The following ACAP2 variants were observed in gnomAD, a reference collection of about 807,000 sequenced individuals.
ACAP2 encodes arf-GAP with coiled-coil, ANK repeat and PH domain-containing protein 2.
A neutral mutation model predicts 115.8 loss-of-function variants in ACAP2; 39 were observed. The ratio of observed to expected loss-of-function variants is 0.34; its 90% confidence interval spans 0.26 to 0.44. The LOEUF is 0.44. Ranked by LOEUF, ACAP2 falls within the 20% of genes least tolerant of loss-of-function variation. The pLI is 1.00. For missense variants in ACAP2, 662 were observed against 927.6 expected (o/e 0.71, Z 3.72); for synonymous variants, 289 against 315.8 (o/e 0.92, Z 0.90).
At chr3:195,390,099 G>C (rs758962693) in intron 2 of ACAP2, among the ~76,000 whole-genome samples, 2 of 152,204 alleles carry the variant, frequency 1.3e-5, no homozygotes, top group Admixed American at 6.5e-5. Context: ...AGGAGGCTGA[G>C]GCAGGAGAAG....
intron 17 of ACAP2, chr3:195,295,214 A>T (rs1727562129): frequency 3.1e-6 from 4 of 1,290,770 alleles, no homozygotes; most frequent in African/African-American, 1.5e-5. Flanking sequence ...AGTTTTGAAG[A>T]AGTATCAAAG....
At chr3:195,388,902 T>C (rs1305623364) in intron 2 of ACAP2, among the ~76,000 whole-genome samples, 1 of 151,852 alleles carries the variant, frequency 6.6e-6, no homozygotes, top group Non-Finnish European at 1.5e-5. Flanking sequence ...CGTGTCCCTG[T>C]AATCCCAGCT....
At chr3:195,438,184 C>A (rs1715713140) in intron 1 of ACAP2, among the ~76,000 whole-genome samples, 1 of 151,496 alleles carries the variant, frequency 6.6e-6, no homozygotes, top group Admixed American at 6.6e-5. Flanking sequence ...CACCATCACG[C>A]CCACCTAATT....
rs1727308685 is a variant in ACAP2 at position 195,292,276 on chromosome 3, C to A, written c.1942G>T (p.Ala648Ser). The A allele has an allele frequency of 1.3e-6, 2 of 1,591,098 alleles. No individual in the cohort carries two copies. The highest frequency in any genetic ancestry group is 2.2e-5 in the East Asian group (1 of 44,782). Residue 648 changes from alanine (A) to serine (S), a missense_variant, in exon 19 of 23, where the codon GCT (alanine) becomes TCT (serine). Ala to Ser is a moderately conservative substitution (Grantham distance 99, BLOSUM62 1). This residue lies in a region of ACAP2 where 128 missense variants were observed against 200.2 expected (regional missense o/e 0.64). Transcript: ENST00000326793. ...EENKATPLIQ[A>S]VLGGSLVTCE... ...GTATAAACGCATACCCCTAATACAG[C>A]CTGAATAAGTGGTGTCGCTTTGTTT...
At chr3:195,381,801 T>G in intron 3 of ACAP2, 102 bp downstream of exon 3, 2 of 1,354,526 alleles carry the variant, frequency 1.5e-6, no homozygotes, top group South Asian at 2.9e-5. Context: ...CTTCTAATTT[T>G]AAGTATCACC....
chr3:195,391,886 T>C (rs1269567432), intron 2 of ACAP2, among the ~76,000 whole-genome samples: 1 of 151,954 alleles, frequency 6.6e-6, no homozygotes, highest in Non-Finnish European at 1.5e-5. Context: ...TCCCAGCTAC[T>C]TGGGAGGCTG....
intron 1 of ACAP2, among the ~76,000 whole-genome samples, chr3:195,426,663 G>A (rs560512086): frequency 6.6e-6 from 1 of 151,836 alleles, no homozygotes; most frequent in Non-Finnish European, 1.5e-5. Context: ...CGGCAACTGA[G>A]TAGTCCAAAA....
rs148167942 is a variant in ACAP2 at position 195,309,524 on chromosome 3, C to T, written c.858-687G>A. Among the ~76,000 whole-genome samples the T allele has an allele frequency of 3.7e-4, 55 of 150,054 alleles. No homozygotes were observed. The East Asian group carries it at 7.8e-3, about 21-fold the overall frequency. On this transcript the variant is annotated intron_variant, in intron 10 of 22. Coordinates refer to ENST00000326793, the MANE Select transcript of ACAP2 (RefSeq NM_012287.6). Reference sequence around the variant, plus strand: ...TCACGCCATTGCACTTCAGCCTGGGCGACCGAGCAAGACTCCGTCTCAAAA... The same window carrying T: ...TCACGCCATTGCACTTCAGCCTGGGTGACCGAGCAAGACTCCGTCTCAAAA...
intron 10 of ACAP2, 72 bp downstream of exon 10, chr3:195,320,629 T>C (rs867787937): frequency 7.4e-6 from 8 of 1,079,950 alleles, no homozygotes; most frequent in Middle Eastern, 4.1e-4. Flanking sequence ...AAGGAGAGAG[T>C]TGTCAAATCA....
intron 6 of ACAP2, among the ~76,000 whole-genome samples, chr3:195,339,669 A>G (rs1730743062): frequency 6.6e-6 from 1 of 152,038 alleles, no homozygotes; most frequent in Admixed American, 6.5e-5. Context: ...AATAATTCCC[A>G]TCAGAAAAAT....
chr3:195,360,861 C>T (rs1440747496), intron 4 of ACAP2, among the ~76,000 whole-genome samples: 3 of 150,938 alleles, frequency 2.0e-5, no homozygotes, highest in African/African-American at 4.9e-5. Flanking sequence ...ACCAAACAGG[C>T]CTAATGAATA....
intron 10 of ACAP2, among the ~76,000 whole-genome samples, chr3:195,315,012 T>G (rs1728996181): frequency 6.6e-6 from 1 of 152,240 alleles, no homozygotes; most frequent in South Asian, 2.1e-4. Flanking sequence ...TCACAAGGTT[T>G]GGACTTTCAC....
chr3:195,389,737 G>A (rs193283479), intron 2 of ACAP2, among the ~76,000 whole-genome samples: 66 of 152,234 alleles, frequency 4.3e-4, no homozygotes, highest in African/African-American at 1.5e-3. Flanking sequence ...AGTAGAAAAC[G>A]AAGGCATTTT....
chr3:195,349,644 T>C (rs1731413937), intron 4 of ACAP2: 1 of 161,232 alleles, frequency 6.2e-6, no homozygotes, highest in South Asian at 1.6e-4. Context: ...GCTCTTCTTT[T>C]CTAATTTGGG....
rs1727059439 is a variant in ACAP2 at position 195,289,053 on chromosome 3, CTG to C, written c.2174+66_2174+67del. On this transcript the variant is annotated intron_variant, in intron 21 of 22. Coordinates refer to ENST00000326793, the MANE Select transcript of ACAP2 (RefSeq NM_012287.6). Reference sequence around the variant, plus strand: ...TCCACAGGGTCCTGGAACTAATTCACTGTGGATAACCGAGGGACAACTGTAAT... The same window carrying C: ...TCCACAGGGTCCTGGAACTAATTCACTGGATAACCGAGGGACAACTGTAAT... 4.7e-6 allele frequency: 6 copies of C among 1,272,900 alleles called. No individual in the cohort carries two copies. The South Asian group carries it at 7.9e-5, about 17-fold the overall frequency. 78.9% of individuals were successfully genotyped at this position (1,272,900 alleles called of 1,614,324 possible). A position where few individuals can be genotyped will look rare whatever the true frequency, so the allele number is the denominator to read the frequency against.
At chr3:195,344,410 T>G (rs1731064820) in intron 5 of ACAP2, among the ~76,000 whole-genome samples, 1 of 152,104 alleles carries the variant, frequency 6.6e-6, no homozygotes, top group Non-Finnish European at 1.5e-5. Context: ...ATTATTAATG[T>G]GAAAAAGAAA....
chr3:195,371,311 T>C (rs1004045354), intron 4 of ACAP2, among the ~76,000 whole-genome samples: 2 of 152,220 alleles, frequency 1.3e-5, no homozygotes, highest in Middle Eastern at 3.2e-3. Flanking sequence ...TTTTATTCTT[T>C]TCCTGGCAAC....
intron 2 of ACAP2, among the ~76,000 whole-genome samples, chr3:195,389,877 C>A (rs959220495): frequency 6.6e-6 from 1 of 152,176 alleles, no homozygotes; most frequent in African/African-American, 2.4e-5. Flanking sequence ...TGCAGTGATG[C>A]GCAAGAAGAG....
At chr3:195,333,221 T>G in intron 7 of ACAP2, 98 bp from the exon 8 acceptor site, 1 of 506,800 alleles carries the variant, frequency 2.0e-6, no homozygotes, top group Non-Finnish European at 3.1e-6. Context: ...AGACAGGGTC[T>G]TGCTCTGTTT....
Sources: allele counts gnomAD v4.1 joint callset (sites outside exome capture counted in the v4.1 genomes callset), GRCh38; gene constraint gnomAD v4.1.1; regional missense constraint gnomAD v4.1.1; transcripts MANE v1.5; gene names NCBI Gene and HGNC (gene_info 2026-07-23, HGNC 2026-07-21).